TRHDE: variants seen among roughly 807,000 people sequenced by gnomAD.
The protein encoded by TRHDE is thyrotropin releasing hormone degrading enzyme.
Under a neutral mutation model 125.7 loss-of-function variants are expected in TRHDE, and 72 were observed. That is an observed-to-expected ratio of 0.57 (90% CI 0.47 to 0.70). TRHDE has a LOEUF of 0.70. TRHDE is among the 30% of genes least tolerant of loss of function. The pLI, the probability that TRHDE is intolerant of heterozygous loss-of-function variation, is 0.00. For synonymous variants in TRHDE, 509 were observed against 509.1 expected (o/e 1.00, Z 0.00); for missense variants, 1,110 against 1,327.1 (o/e 0.84, Z 2.54).
chr12:72,282,622 C>T (rs1448631720), intron 1 of TRHDE, among the ~76,000 whole-genome samples: 1 of 152,106 alleles, frequency 6.6e-6, no homozygotes, highest in East Asian at 1.9e-4. Flanking sequence ...TCTGATGTAA[C>T]CAGAATCTGC....
intron 8 of TRHDE, 26 bp from the exon 9 acceptor site, chr12:72,562,827 T>A: frequency 6.9e-7 from 1 of 1,442,580 alleles, no homozygotes; most frequent in Non-Finnish European, 9.4e-7. Flanking sequence ...TTTATAAAAC[T>A]AATTTGTACA....
intron 3 of TRHDE, among the ~76,000 whole-genome samples, chr12:72,457,378 A>G (rs1433647743): frequency 6.6e-6 from 1 of 152,082 alleles, no homozygotes. Flanking sequence ...TGCCCTCATT[A>G]CGCCAAGCAC....
At chr12:72,091,659 C>T (rs187849280) in intron 1 of TRHDE, among the ~76,000 whole-genome samples, 58 of 152,252 alleles carry the variant, frequency 3.8e-4, no homozygotes, top group African/African-American at 1.3e-3. Context: ...CAGTATACCA[C>T]TGGGGGCTAT....
chr12:72,638,371 A>G (rs955334249), intron 15 of TRHDE, among the ~76,000 whole-genome samples: 2 of 152,066 alleles, frequency 1.3e-5, no homozygotes, highest in Admixed American at 6.5e-5. Context: ...ATCTTCTTCC[A>G]TCCCTTTATT....
chr12:72,520,543 G>T (rs1053230413), intron 6 of TRHDE, among the ~76,000 whole-genome samples: 8 of 152,096 alleles, frequency 5.3e-5, no homozygotes, highest in African/African-American at 1.9e-4. Context: ...CCACTCTCTG[G>T]CACTCCCTAG....
chr12:72,600,169 T>A lies in TRHDE; in HGVS notation c.2322-18722T>A, dbSNP rs574798163. 8.6e-4 allele frequency among the ~76,000 whole-genome samples: 131 copies of A among 152,166 alleles called. 1 individual carries two copies. Among genetic ancestry groups the A allele is most frequent in the African/African-American group, 3.1e-3 (128 of 41,540 alleles). Reference sequence around the variant, plus strand: ...ACTTAGATTTGGTCTTATAGTATAGTTTGAAGTTGGGTAATGTGATGCCTC... The same window carrying A: ...ACTTAGATTTGGTCTTATAGTATAGATTGAAGTTGGGTAATGTGATGCCTC... On this transcript the variant is annotated intron_variant, in intron 12 of 18. Coordinates refer to ENST00000261180, the MANE Select transcript of TRHDE (RefSeq NM_013381.3).
At chr12:72,216,729 A>C (rs531490511) in intron 2 of TRHDE, among the ~76,000 whole-genome samples, 8 of 152,094 alleles carry the variant, frequency 5.3e-5, no homozygotes, top group African/African-American at 9.7e-5. Context: ...TTCAATTACC[A>C]TTTACATTTC....
intron 2 of TRHDE, among the ~76,000 whole-genome samples, chr12:72,150,795 T>C (rs1439117186): frequency 6.6e-6 from 1 of 152,056 alleles, no homozygotes. Flanking sequence ...ATCCAGTCTA[T>C]CATTGTTGGA....
At chr12:72,660,929 C>CT (rs1874893228) in intron 18 of TRHDE, among the ~76,000 whole-genome samples, 1 of 152,112 alleles carries the variant, frequency 6.6e-6, no homozygotes. Context: ...TGAGCATGCG[C>CT]TAGGGCCAGT....
chr12:72,396,507 A>G (rs924197682), intron 3 of TRHDE, among the ~76,000 whole-genome samples: 2 of 152,112 alleles, frequency 1.3e-5, no homozygotes, highest in African/African-American at 4.8e-5. Context: ...GCACTTTGGG[A>G]GGCTGAGGCG....
chr12:72,384,226 T>A (rs1872316952), intron 3 of TRHDE, among the ~76,000 whole-genome samples: 1 of 152,206 alleles, frequency 6.6e-6, no homozygotes, highest in South Asian at 2.1e-4. Flanking sequence ...TGTAAATCAA[T>A]GTTTCAAAAA....
intron 2 of TRHDE, among the ~76,000 whole-genome samples, chr12:72,140,641 T>C (rs759259841): frequency 9.9e-5 from 15 of 152,186 alleles, no homozygotes; most frequent in Non-Finnish European, 1.5e-4. Context: ...TAGTCTTATT[T>C]AATGAGAATA....
chr12:72,226,495 G>T (rs143262099), intron 2 of TRHDE, among the ~76,000 whole-genome samples: 1 of 152,166 alleles, frequency 6.6e-6, no homozygotes, highest in South Asian at 2.1e-4. Context: ...TAACTGCAGC[G>T]TATTTGAATG....
rs1391105081 is a variant in TRHDE at position 72,583,996 on chromosome 12, T to A, written c.2321+8454T>A. ...CCCAGGCTGGAGTGCAGTGGCGCAA[T>A]CTCGGCTCACTGCAGGCTCCGCCCC... On this transcript the variant is annotated intron_variant, in intron 12 of 18. Transcript: ENST00000261180. 4.0e-5 allele frequency among the ~76,000 whole-genome samples: 3 copies of A among 74,302 alleles called. No homozygotes were observed. In the East Asian group the frequency reaches 3.7e-3, roughly 91 times the overall value. The allele number at this position is 74,302 out of a possible 152,430, so 48.7% of individuals were successfully genotyped here.
intron 2 of TRHDE, among the ~76,000 whole-genome samples, chr12:72,323,746 T>C (rs975699350): frequency 1.2e-4 from 18 of 152,012 alleles, no homozygotes; most frequent in Admixed American, 7.9e-4. Flanking sequence ...ACTGTGGGAA[T>C]TGAAGGTCAA....
intron 5 of TRHDE, among the ~76,000 whole-genome samples, chr12:72,475,010 TGTGCCTA>T (rs1876824797): frequency 6.6e-6 from 1 of 152,196 alleles, no homozygotes; most frequent in Admixed American, 6.5e-5. Flanking sequence ...ATTTGATTTA[TGTGCCTA>T]GGCATTTATA....
At chr12:72,630,872 C>A (rs1323231204) in intron 15 of TRHDE, among the ~76,000 whole-genome samples, 4 of 146,906 alleles carry the variant, frequency 2.7e-5, no homozygotes, top group African/African-American at 9.9e-5. Flanking sequence ...TGGAAATTTC[C>A]CTAAAATTCA....
intron 10 of TRHDE, among the ~76,000 whole-genome samples, chr12:72,573,560 G>A (rs1870845437): frequency 6.6e-6 from 1 of 151,874 alleles, no homozygotes; most frequent in Admixed American, 6.6e-5. Context: ...TACAAGTAAG[G>A]AAATTGAGGA....
chr12:72,136,441 C>G (rs562285527), intron 2 of TRHDE, among the ~76,000 whole-genome samples: 1 of 152,224 alleles, frequency 6.6e-6, no homozygotes, highest in South Asian at 2.1e-4. Context: ...TCCAAAGTAA[C>G]GGGGAATTTA....
Sources: gnomAD v4.1 joint callset for allele counts (sites outside exome capture counted in the v4.1 genomes callset) on GRCh38, gnomAD v4.1.1 for gene constraint, MANE v1.5 for transcripts, NCBI Gene and HGNC (gene_info 2026-07-23, HGNC 2026-07-21) for gene names.